CUX2: variants seen among roughly 807,000 people sequenced by gnomAD.
CUX2 encodes homeobox protein cut-like 2.
CUX2 carries 40 observed loss-of-function variants against 144.8 expected under a neutral mutation model. The ratio of observed to expected loss-of-function variants is 0.28; its 90% CI spans 0.21 to 0.36. CUX2 has a LOEUF of 0.36. Ranked by LOEUF, CUX2 falls within the 10% of genes least tolerant of loss-of-function variation. The pLI, the probability that CUX2 is intolerant of heterozygous loss-of-function variation, is 1.00. For synonymous variants in CUX2, 827 were observed against 875.6 expected (o/e 0.94, Z 0.98); for missense variants, 1,615 against 1,994.0 (o/e 0.81, Z 3.62).
At chr12:111,138,644 T>C (rs1487800550) in intron 1 of CUX2, among the ~76,000 whole-genome samples, 1 of 152,060 alleles carries the variant, frequency 6.6e-6, no homozygotes, top group Non-Finnish European at 1.5e-5. Context: ...AGGAGAGCCA[T>C]AGAATCTCCA....
chr12:111,188,445 G>T (rs1407182465), intron 1 of CUX2, among the ~76,000 whole-genome samples: 2 of 152,184 alleles, frequency 1.3e-5, no homozygotes, highest in Non-Finnish European at 2.9e-5. Flanking sequence ...GCTCTGTGAA[G>T]GAAGCCACCA....
intron 1 of CUX2, among the ~76,000 whole-genome samples, chr12:111,071,700 CTA>C (rs1326465167): frequency 6.6e-6 from 1 of 152,078 alleles, no homozygotes; most frequent in African/African-American, 2.4e-5. Context: ...CCAGATTTTC[CTA>C]TGTTATCTTC....
intron 1 of CUX2, among the ~76,000 whole-genome samples, chr12:111,121,759 G>T (rs1054856505): frequency 6.6e-6 from 1 of 151,968 alleles, no homozygotes; most frequent in African/African-American, 2.4e-5. Context: ...AAATATGACT[G>T]TATAAGTTAT....
intron 1 of CUX2, among the ~76,000 whole-genome samples, chr12:111,209,649 C>T (rs3809290): frequency 0.22 from 33,359 of 151,928 alleles, 4,903 homozygotes; most frequent in East Asian, 0.58. Flanking sequence ...AGTCCCAAGA[C>T]TGTTCAGCAC....
Position 111,293,620 on chromosome 12 carries a change from G to C in CUX2, c.560+51G>C, listed in dbSNP as rs750830506. 1.2e-5 allele frequency: 18 copies of C among 1,540,400 alleles called. No individual in the cohort carries two copies. The South Asian group carries it at 2.1e-4, about 18-fold the overall frequency. On this transcript the variant is annotated intron_variant, in intron 6 of 21. Coordinates refer to ENST00000261726, the MANE Select transcript of CUX2 (RefSeq NM_015267.4). The surrounding 1 kb of genome is among the most constrained non-coding windows in gnomAD (Gnocchi z 4.5). Reference sequence around the variant, plus strand: ...GGAGGAAGGAATGGGCAGGGCTCCTGCTGCCCCACCTGGCTGGGTCGTGGA... The same window carrying C: ...GGAGGAAGGAATGGGCAGGGCTCCTCCTGCCCCACCTGGCTGGGTCGTGGA...
intron 4 of CUX2, among the ~76,000 whole-genome samples, chr12:111,266,487 AAAG>A (rs1394264435): frequency 6.6e-6 from 1 of 152,026 alleles, no homozygotes; most frequent in Non-Finnish European, 1.5e-5. Flanking sequence ...AAAAAAAAAA[AAAG>A]AGACGAGGGT....
intron 1 of CUX2, among the ~76,000 whole-genome samples, chr12:111,097,638 C>T (rs955271213): frequency 1.3e-5 from 2 of 152,102 alleles, no homozygotes; most frequent in Non-Finnish European, 2.9e-5. Context: ...GGGTCACTGG[C>T]GTGAGCAGAC....
intron 1 of CUX2, among the ~76,000 whole-genome samples, chr12:111,074,863 C>G (rs536264129): frequency 6.6e-6 from 1 of 150,936 alleles, no homozygotes; most frequent in African/African-American, 2.5e-5. Flanking sequence ...TTGGGGACAC[C>G]GTGCCCCTCG....
chr12:111,084,529 A>G (rs1872087339), intron 1 of CUX2, among the ~76,000 whole-genome samples: 1 of 148,860 alleles, frequency 6.7e-6, no homozygotes, highest in African/African-American at 2.5e-5. Flanking sequence ...GCCACTGGCT[A>G]TTACGGAAAT....
In CUX2 at chr12:111,320,139, G is replaced by C. The variant is rs1385558070; in HGVS notation, c.2130G>C (p.Ala710=). The C allele has an allele frequency of 1.3e-6, 2 of 1,552,500 alleles. No homozygotes were observed. Among genetic ancestry groups the C allele is most frequent in the African/African-American group, 2.7e-5 (2 of 73,354 alleles). Reference sequence around the variant, plus strand: ...GTGAGATGCAGGCGCAACAGCAGGCGCTGCTGGAGATGGAGGTGGCGCCCA... The same window carrying C: ...GTGAGATGCAGGCGCAACAGCAGGCCCTGCTGGAGATGGAGGTGGCGCCCA... The part of the protein sequence containing the change: ...ARREMQAQQQ[A]LLEMEVAPRG... The change falls in exon 17 of 22, where the codon GCG becomes GCC. Residue 710 remains alanine, a synonymous_variant. Transcript: ENST00000261726. This position sits in a 1 kb window ranked among gnomAD's most constrained non-coding sequence, Gnocchi z 8.1.
In CUX2 at chr12:111,312,084, C is replaced by T. The variant is rs557037506; in HGVS notation, c.1901-16C>T. Reference sequence around the variant, plus strand: ...AACATGCAGATCCTGCCACAGATGCCTTCTTGCCTCCCCAGGCAGCATCAC... The same window carrying T: ...AACATGCAGATCCTGCCACAGATGCTTTCTTGCCTCCCCAGGCAGCATCAC... On this transcript the variant is annotated splice_polypyrimidine_tract_variant and intron_variant, in intron 15 of 21. Transcript: ENST00000261726. The surrounding 1 kb of genome is among the most constrained non-coding windows in gnomAD (Gnocchi z 4.3). 1 of 1,603,716 alleles carries T rather than the reference C, an allele frequency of 6.2e-7. No individual in the cohort carries two copies. The highest frequency in any genetic ancestry group is 1.3e-5 in the African/African-American group (1 of 74,806).
rs1404735961 is a variant in CUX2 at position 111,039,741 on chromosome 12, A to G, written c.63+5501A>G. Among the ~76,000 whole-genome samples the G allele has an allele frequency of 6.6e-6, 1 of 152,126 alleles. No homozygotes were observed. The highest frequency in any genetic ancestry group is 1.5e-5 in the Non-Finnish European group (1 of 68,020). On this transcript the variant is annotated intron_variant, in intron 1 of 21. Transcript: ENST00000261726. The surrounding 1 kb of genome is among the most constrained non-coding windows in gnomAD (Gnocchi z 4.2). Reference sequence around the variant, plus strand: ...GAGACGGGGTTTTGCAGTGTTGACCAGGCTGGTCTTGAAGTCCTGACCTCA... The same window carrying G: ...GAGACGGGGTTTTGCAGTGTTGACCGGGCTGGTCTTGAAGTCCTGACCTCA...
rs559488614 is a variant in CUX2 at position 111,274,964 on chromosome 12, C to CA, written c.301+11132dup. Among the ~76,000 whole-genome samples, 313 of 144,468 alleles carry CA rather than the reference C, an allele frequency of 2.2e-3. 1 individual carries two copies. The highest frequency in any genetic ancestry group is 4.5e-3 in the South Asian group (20 of 4,444). 94.8% of individuals were successfully genotyped at this position (144,468 alleles called of 152,430 possible). On this transcript the variant is annotated intron_variant, in intron 4 of 21. Coordinates refer to ENST00000261726, the MANE Select transcript of CUX2 (RefSeq NM_015267.4). Reference sequence around the variant, plus strand: ...CCCTCCATGATTCAAAAAAAAAAAACAAAAAAACAAAAAAAAACCACCAAT... The same window carrying CA: ...CCCTCCATGATTCAAAAAAAAAAAACAAAAAAAACAAAAAAAAACCACCAAT...
intron 18 of CUX2, among the ~76,000 whole-genome samples, chr12:111,329,857 G>C (rs182562048): frequency 2.0e-5 from 3 of 152,156 alleles, no homozygotes; most frequent in Admixed American, 1.3e-4. Context: ...GGCTGGTCTC[G>C]AACCCCTGAC....
intron 1 of CUX2, among the ~76,000 whole-genome samples, chr12:111,094,365 G>A (rs1359682588): frequency 6.6e-6 from 1 of 152,252 alleles, no homozygotes; most frequent in South Asian, 2.1e-4. Flanking sequence ...GCAGAGGGAG[G>A]CAAGGGTCAT....
At chr12:111,229,574 A>G (rs1018525913) in intron 3 of CUX2, among the ~76,000 whole-genome samples, 2 of 151,986 alleles carry the variant, frequency 1.3e-5, no homozygotes, top group African/African-American at 4.8e-5. Context: ...TCCTGGGGGG[A>G]TGGGTGAAGA....
intron 1 of CUX2, among the ~76,000 whole-genome samples, chr12:111,184,588 A>AC (rs1240839475): frequency 6.6e-6 from 1 of 151,312 alleles, no homozygotes; most frequent in Non-Finnish European, 1.5e-5. Context: ...AAAAAAAAAA[A>AC]AAAAAAAAAA....
At chr12:111,130,151 G>T (rs561028441) in intron 1 of CUX2, among the ~76,000 whole-genome samples, 26 of 152,156 alleles carry the variant, frequency 1.7e-4, no homozygotes, top group South Asian at 1.2e-3. Flanking sequence ...ATAAACTTTT[G>T]GCAGTATACC....
intron 1 of CUX2, among the ~76,000 whole-genome samples, chr12:111,172,070 T>C (rs1056726009): frequency 1.3e-5 from 2 of 152,058 alleles, no homozygotes; most frequent in African/African-American, 2.4e-5. Context: ...CACACGTGTG[T>C]GCATGCACCT....
Sources: gnomAD v4.1 joint callset for allele counts (sites outside exome capture counted in the v4.1 genomes callset) on GRCh38, gnomAD v4.1.1 for gene constraint, Gnocchi (gnomAD v3.1) non-coding constraint, MANE v1.5 for transcripts, NCBI Gene and HGNC (gene_info 2026-07-23, HGNC 2026-07-21) for gene names.